Variants in ASAP3 observed in about 807,000 individuals in gnomAD.
The protein encoded by ASAP3 is ArfGAP with SH3 domain, ankyrin repeat and PH domain 3.
In ASAP3, 85 loss-of-function variants were observed where a neutral mutation model predicts 118.2. The ratio of observed to expected loss-of-function variants is 0.72; its 90% CI spans 0.60 to 0.86. The LOEUF is 0.86. Among genes scored for constraint, ASAP3 ranks in the 40% least tolerant of loss-of-function variants. The pLI is 0.00. For missense variants in ASAP3, 1,026 were observed against 1,175.0 expected (o/e 0.87, Z 1.85); for synonymous variants, 432 against 477.4 (o/e 0.90, Z 1.24).
At chr1:23,457,898 G>A (rs958616112) in intron 1 of ASAP3, among the ~76,000 whole-genome samples, 1 of 152,192 alleles carries the variant, frequency 6.6e-6, no homozygotes, top group Non-Finnish European at 1.5e-5. Context: ...TTGGTATGAG[G>A]GCTATATGTA....
intron 5 of ASAP3, among the ~76,000 whole-genome samples, chr1:23,449,294 G>A (rs1040073001): frequency 2.6e-5 from 4 of 152,130 alleles, no homozygotes; most frequent in Non-Finnish European, 5.9e-5. Context: ...ATTCATCGCC[G>A]CATTGACCCT....
At chr1:23,431,265 C>T (rs1640422250) in intron 23 of ASAP3, 140 bp from the exon 24 acceptor site, 1 of 810,178 alleles carries the variant, frequency 1.2e-6, no homozygotes, top group Non-Finnish European at 2.0e-6. Context: ...CCAGGTCCAT[C>T]ACAGGCCCAA....
At chr1:23,469,840 G>A (rs1641903136) in intron 1 of ASAP3, among the ~76,000 whole-genome samples, 1 of 152,226 alleles carries the variant, frequency 6.6e-6, no homozygotes, top group African/African-American at 2.4e-5. Flanking sequence ...AAGAAACGCA[G>A]AGACCTCTGC....
chr1:23,442,049 A>G (rs1220625582), intron 7 of ASAP3, 137 bp downstream of exon 7: 2 of 903,682 alleles, frequency 2.2e-6, no homozygotes, highest in Non-Finnish European at 3.5e-6. Context: ...CCCGGTGAGC[A>G]CTCAATGAGG....
chr1:23,437,198 G>A lies in ASAP3; in HGVS notation c.1274C>T (p.Thr425Ile). ...CTTCACCTCCGCGATGAGCAGCTTT[G>A]TGAGGTCGTGCGGCTCCCCATCATG... ...AGHDGEPHDL[T>I]KLLIAEVKSR... Residue 425 changes from threonine (T) to isoleucine (I), a missense_variant, in exon 14 of 25, where the codon ACA (threonine) becomes ATA (isoleucine). Thr to Ile is a moderately conservative substitution (Grantham distance 89). Coordinates refer to ENST00000336689, the MANE Select transcript of ASAP3 (RefSeq NM_017707.4). The surrounding 1 kb of genome is among the most constrained non-coding windows in gnomAD (Gnocchi z 6.1). 4 of 1,605,710 alleles carry A rather than the reference G, an allele frequency of 2.5e-6. No homozygotes were observed. The highest frequency in any genetic ancestry group is 3.4e-6 in the Non-Finnish European group (4 of 1,176,486).
chr1:23,433,495 A>C lies in ASAP3; in HGVS notation c.2057T>G (p.Leu686Arg). 1 of 1,614,216 alleles carries C rather than the reference A, an allele frequency of 6.2e-7. No individual in the cohort carries two copies. The highest frequency in any genetic ancestry group is 1.1e-5 in the South Asian group (1 of 91,080). ...QAQAGTFAFP[L>R]HVDYSWVIST... is the part of the protein sequence containing the mutation. ...AATTACCCAGGAGTAGTCCACATGTAGAGGGAAGGCAAAGGTCCCCGCCTG... is the reference window on the plus strand; with the variant it reads ...AATTACCCAGGAGTAGTCCACATGTCGAGGGAAGGCAAAGGTCCCCGCCTG... Residue 686 changes from leucine (L) to arginine (R), a missense_variant, in exon 21 of 25, where the codon CTA becomes CGA. Leu to Arg is a moderately radical substitution (Grantham distance 102, BLOSUM62 -2). Transcript: ENST00000336689.
chr1:23,460,235 G>A (rs1047754165), intron 1 of ASAP3, among the ~76,000 whole-genome samples: 1 of 152,084 alleles, frequency 6.6e-6, no homozygotes, highest in Non-Finnish European at 1.5e-5. Flanking sequence ...GGCCGGGCAC[G>A]GTGGTTCACG....
chr1:23,474,482 C>G (rs1342657362), intron 1 of ASAP3, among the ~76,000 whole-genome samples: 1 of 152,284 alleles, frequency 6.6e-6, no homozygotes, highest in South Asian at 2.1e-4. Context: ...ATTCCTCTTC[C>G]TATCCCAATC....
Position 23,433,478 on chromosome 1 carries a change from AG to A in ASAP3, c.2073del (p.Trp692GlyfsTer2). On this transcript the variant is annotated frameshift_variant, in exon 21 of 25. Transcript: ENST00000336689. LOFTEE classifies it high-confidence loss of function. The stretch of plus-strand genomic sequence containing the variant: ...GAGCCAGGCTCTGTGGAAATTACCC[AG>A]GAGTAGTCCACATGTAGAGGGAAGG... The part of the protein sequence containing the change: ...TFAFPLHVDY[S>X]WVISTEPGSD... The A allele has an allele frequency of 6.2e-7, 1 of 1,614,162 alleles. No homozygotes were observed. The highest frequency in any genetic ancestry group is 8.5e-7 in the Non-Finnish European group (1 of 1,180,030).
intron 1 of ASAP3, among the ~76,000 whole-genome samples, chr1:23,465,800 C>A (rs1641749571): frequency 6.6e-6 from 1 of 152,180 alleles, no homozygotes; most frequent in South Asian, 2.1e-4. Context: ...CTGCACCTGG[C>A]CCAGAGTTAC....
In ASAP3 at chr1:23,433,211, T is replaced by C. The variant is rs1640506199; in HGVS notation, c.2189A>G (p.Asn730Ser). The C allele has an allele frequency of 1.2e-6, 2 of 1,613,772 alleles. No individual in the cohort carries two copies. Among genetic ancestry groups the C allele is most frequent in the Admixed American group, 3.3e-5 (2 of 59,978 alleles). ...HWASGRLDIS[N>S]KTYETVASLG... ...GCTGGCGACAGTCTCATAGGTCTTG[T>C]TGCTGATGTCCAGCCTCCCACTGGC... Residue 730 changes from asparagine (N) to serine (S), a missense_variant, in exon 22 of 25, where the codon AAC becomes AGC. Asn to Ser is a conservative substitution (Grantham distance 46, BLOSUM62 1). Transcript: ENST00000336689.
In ASAP3 at chr1:23,437,539, C is replaced by A; in HGVS notation, c.1103-67G>T. On this transcript the variant is annotated intron_variant, in intron 12 of 24. Coordinates refer to ENST00000336689, the MANE Select transcript of ASAP3 (RefSeq NM_017707.4). This position sits in a 1 kb window ranked among gnomAD's most constrained non-coding sequence, Gnocchi z 6.1. ...CTGGCCTTCCCGGAGCCCAGGGAGC[C>A]CCCACCAAAGCCGCTGGGGCCACAT... 2.5e-6 allele frequency: 4 copies of A among 1,596,184 alleles called. No individual in the cohort carries two copies. Among genetic ancestry groups the A allele is most frequent in the East Asian group, 2.2e-5 (1 of 44,684 alleles).
intron 1 of ASAP3, among the ~76,000 whole-genome samples, chr1:23,473,652 C>G (rs1642028625): frequency 6.6e-6 from 1 of 152,178 alleles, no homozygotes; most frequent in Non-Finnish European, 1.5e-5. Context: ...CTCCTTGTAC[C>G]TCAGTGGCCA....
intron 5 of ASAP3, among the ~76,000 whole-genome samples, chr1:23,446,958 C>A (rs1335670445): frequency 6.6e-6 from 1 of 152,138 alleles, no homozygotes. Context: ...TGGAACTGTT[C>A]CAGCTCAGAT....
At position 23,432,961 on chromosome 1, in the gene ASAP3, T is replaced by G. The variant is rs910110950; in HGVS notation, c.2323+116A>C. 6.8e-6 allele frequency: 8 copies of G among 1,181,642 alleles called. No individual in the cohort carries two copies. In the African/African-American group the frequency reaches 1.1e-4, roughly 16 times the overall value. The allele number at this position is 1,181,642 out of a possible 1,614,324, so 73.2% of individuals were successfully genotyped here. On this transcript the variant is annotated intron_variant, in intron 22 of 24. Transcript: ENST00000336689. ...TAAGGGGAAGATGAGAACCCCTTCC[T>G]GGGAGGTCATCATAAGGATAGTACG...
Position 23,431,107 on chromosome 1 carries a change from G to C in ASAP3, c.2565C>G (p.Ser855=). Residue 855 remains serine (S), a synonymous_variant, in exon 24 of 25, where the codon TCC becomes TCG. Transcript: ENST00000336689. ...PVRFSSESTR[S]YRRGARSPED... is the part of the protein sequence containing the mutation. ...CAGGGCTCCGCGCCCCCCGCCGATAGGAGCGAGTGCTCTCGGAGCTGGAAG... is the reference window on the plus strand; with the variant it reads ...CAGGGCTCCGCGCCCCCCGCCGATACGAGCGAGTGCTCTCGGAGCTGGAAG... 1 of 1,591,974 alleles carries C rather than the reference G, an allele frequency of 6.3e-7. No homozygotes were observed. Among genetic ancestry groups the C allele is most frequent in the South Asian group, 1.1e-5 (1 of 87,062 alleles).
intron 1 of ASAP3, among the ~76,000 whole-genome samples, chr1:23,465,196 C>T (rs75729439): frequency 0.018 from 2,720 of 152,348 alleles, 84 homozygotes; most frequent in African/African-American, 0.062. Flanking sequence ...AATTTCTCAA[C>T]TTTCATTGAA....
rs1640633071 is a variant in ASAP3, at chr1:23,435,910, G to A, written c.1690C>T (p.Leu564=). ...AICNRDLLSV[L]EAFANGQDFG... The stretch of plus-strand genomic sequence containing the variant: ...TCCTGCCCATTGGCAAAGGCCTCCA[G>A]TACCGACAGGAGGTCCCTGTTGCAA... The change falls in exon 17 of 25, where the codon CTG becomes TTG. Residue 564 remains leucine (L), a synonymous_variant. Coordinates refer to ENST00000336689, the MANE Select transcript of ASAP3 (RefSeq NM_017707.4). The A allele has an allele frequency of 6.2e-7, 1 of 1,614,284 alleles. No individual in the cohort carries two copies. Among genetic ancestry groups the A allele is most frequent in the Non-Finnish European group, 8.5e-7 (1 of 1,180,060 alleles).
At chr1:23,448,873 G>T (rs1641127309) in intron 5 of ASAP3, among the ~76,000 whole-genome samples, 1 of 152,276 alleles carries the variant, frequency 6.6e-6, no homozygotes, top group Middle Eastern at 3.4e-3. Context: ...TAAGTCATTT[G>T]TCCAAGTCAC....
Sources: allele counts gnomAD v4.1 joint callset (sites outside exome capture counted in the v4.1 genomes callset), GRCh38; gene constraint gnomAD v4.1.1; non-coding constraint Gnocchi (gnomAD v3.1); transcripts MANE v1.5; gene names NCBI Gene and HGNC (gene_info 2026-07-23, HGNC 2026-07-21).